Variants in PXDNL observed in about 807,000 individuals in gnomAD.
PXDNL encodes probable oxidoreductase PXDNL.
Under a neutral mutation model 150.8 loss-of-function variants are expected in PXDNL, and 145 were observed. The ratio of observed to expected loss-of-function variants is 0.96; its 90% CI spans 0.84 to 1.10. The LOEUF is 1.10. PXDNL is among the 50% of genes least tolerant of loss of function. The pLI, the probability that PXDNL is intolerant of heterozygous loss-of-function variation, is 0.00. For missense variants in PXDNL, 2,087 were observed against 1,873.9 expected (o/e 1.11, Z -2.10); for synonymous variants, 757 against 725.7 (o/e 1.04, Z -0.69).
intron 3 of PXDNL, among the ~76,000 whole-genome samples, chr8:51,586,805 G>A (rs910959088): frequency 6.6e-6 from 1 of 152,148 alleles, no homozygotes; most frequent in Non-Finnish European, 1.5e-5. Context: ...TTAGTAATAG[G>A]AGTTCAAAAG....
chr8:51,662,383 T>A (rs1815293204), intron 1 of PXDNL, among the ~76,000 whole-genome samples: 1 of 152,140 alleles, frequency 6.6e-6, no homozygotes, highest in Admixed American at 6.5e-5. Context: ...CCGGGCATGG[T>A]GGCAGGCCCC....
intron 8 of PXDNL, among the ~76,000 whole-genome samples, chr8:51,464,448 T>C (rs1306182506): frequency 1.1e-5 from 1 of 94,998 alleles, no homozygotes; most frequent in Non-Finnish European, 2.3e-5. Flanking sequence ...TTGGAAAGGA[T>C]AAAGAGGATT....
At chr8:51,517,478 C>A (rs1356240461) in intron 4 of PXDNL, among the ~76,000 whole-genome samples, 1 of 152,004 alleles carries the variant, frequency 6.6e-6, no homozygotes, top group Non-Finnish European at 1.5e-5. Flanking sequence ...AGAACCTTTT[C>A]CTATCCATTG....
rs1563471145 is a variant in PXDNL, at chr8:51,577,991, GAAAGAAAGAGGAAGGAAGGAAGGA to G, written c.308+14612_308+14635del. ...AGAAAGAAAGAAAGAAAGAAAGAAA[GAAAGAAAGAGGAAGGAAGGAAGGA>G]AGGAAGGAAGGAAGGAAGGAAGGAA... On this transcript the variant is annotated intron_variant, in intron 3 of 22. Coordinates refer to ENST00000356297, the MANE Select transcript of PXDNL (RefSeq NM_144651.5). Among the ~76,000 whole-genome samples, 123 of 55,776 alleles carry G rather than the reference GAAAGAAAGAGGAAGGAAGGAAGGA, an allele frequency of 2.2e-3. 1 individual carries two copies. The Middle Eastern group carries it at 0.038, about 17-fold the overall frequency. The allele number at this position is 55,776 out of a possible 152,430, so 36.6% of individuals were successfully genotyped here.
At chr8:51,354,726 A>G (rs1166938874) in intron 19 of PXDNL, among the ~76,000 whole-genome samples, 1 of 152,110 alleles carries the variant, frequency 6.6e-6, no homozygotes, top group East Asian at 1.9e-4. Context: ...CTAATGAATT[A>G]CCTAATCCTG....
intron 14 of PXDNL, among the ~76,000 whole-genome samples, chr8:51,418,726 G>C (rs550354621): frequency 6.6e-6 from 1 of 152,232 alleles, no homozygotes; most frequent in South Asian, 2.1e-4. Flanking sequence ...CAAAGAAAAG[G>C]TCCCACTAAC....
At chr8:51,497,258 T>A (rs1448922959) in intron 5 of PXDNL, among the ~76,000 whole-genome samples, 1 of 152,148 alleles carries the variant, frequency 6.6e-6, no homozygotes, top group African/African-American at 2.4e-5. Context: ...CTGGATCCCT[T>A]CCTGACACCT....
chr8:51,325,657 G>A (rs1322612409), intron 21 of PXDNL, among the ~76,000 whole-genome samples: 1 of 152,202 alleles, frequency 6.6e-6, no homozygotes, highest in Non-Finnish European at 1.5e-5. Flanking sequence ...CCAGTGAAGA[G>A]GGAGGGGAGC....
intron 1 of PXDNL, among the ~76,000 whole-genome samples, chr8:51,680,245 T>TGTGG (rs1287465351): frequency 1.3e-5 from 2 of 152,144 alleles, no homozygotes; most frequent in Non-Finnish European, 2.9e-5. Context: ...GGTGCCTGGA[T>TGTGG]GTGGGGTGCA....
chr8:51,600,788 T>C (rs1813699559), intron 2 of PXDNL, among the ~76,000 whole-genome samples: 2 of 136,348 alleles, frequency 1.5e-5, no homozygotes, highest in Admixed American at 1.5e-4. Context: ...AATTATATAG[T>C]TTTGATAATA....
rs79695418 is a variant in PXDNL, at chr8:51,528,570, G to A, written c.380+28270C>T. On this transcript the variant is annotated intron_variant, in intron 4 of 22. Transcript: ENST00000356297. ...CCATGACAAAAGGGACTTTGCAGAC[G>A]TGATTAAGATTAAGAGCTTTGAAAT... 2.3e-3 allele frequency among the ~76,000 whole-genome samples: 343 copies of A among 152,244 alleles called. 2 individuals are homozygous for A. Among genetic ancestry groups the A allele is most frequent in the African/African-American group, 7.8e-3 (325 of 41,530 alleles).
At chr8:51,719,005 G>A (rs1161153466) in intron 1 of PXDNL, among the ~76,000 whole-genome samples, 9 of 151,312 alleles carry the variant, frequency 5.9e-5, no homozygotes, top group East Asian at 2.0e-4. Context: ...GGCAGCCCCC[G>A]ATCGGCCAGC....
chr8:51,373,968 C>CTGG (rs2130788506), intron 18 of PXDNL, among the ~76,000 whole-genome samples: 1 of 152,352 alleles, frequency 6.6e-6, no homozygotes, highest in Admixed American at 6.5e-5. Context: ...AACTTACATT[C>CTGG]TCCAGCCTGC....
chr8:51,770,347 G>T (rs1158184390), intron 1 of PXDNL, among the ~76,000 whole-genome samples: 2 of 152,224 alleles, frequency 1.3e-5, no homozygotes, highest in Non-Finnish European at 2.9e-5. Flanking sequence ...TGATCAAAGT[G>T]AAAAAGACAG....
intron 2 of PXDNL, among the ~76,000 whole-genome samples, chr8:51,640,119 T>C (rs1033282818): frequency 2.0e-5 from 3 of 152,174 alleles, no homozygotes; most frequent in African/African-American, 4.8e-5. Context: ...ATTATCTCAA[T>C]AGATGCAGAT....
intron 17 of PXDNL, among the ~76,000 whole-genome samples, chr8:51,394,382 G>T (rs1045039202): frequency 6.6e-6 from 1 of 152,098 alleles, no homozygotes; most frequent in Non-Finnish European, 1.5e-5. Context: ...GGACTTTTTT[G>T]ATTTGACTGT....
rs183588963 is a variant in PXDNL, at chr8:51,391,144, T to C, written c.3558-16413A>G. ...CCACATTTTCTTAATCCAGTCTATG[T>C]TGGACATTTGGGTTGGTTCCAAGTC... On this transcript the variant is annotated intron_variant, in intron 17 of 22. Transcript: ENST00000356297. 3.1e-3 allele frequency among the ~76,000 whole-genome samples: 470 copies of C among 151,638 alleles called. 4 individuals carry two copies. The highest frequency in any genetic ancestry group is 0.011 in the African/African-American group (449 of 41,490).
intron 1 of PXDNL, among the ~76,000 whole-genome samples, chr8:51,801,395 T>A (rs2037619040): frequency 6.6e-6 from 1 of 152,150 alleles, no homozygotes; most frequent in African/African-American, 2.4e-5. Context: ...AATTTTGCCC[T>A]TTGCCTTGTG....
chr8:51,367,641 T>C (rs1455161389), intron 19 of PXDNL, among the ~76,000 whole-genome samples: 1 of 152,174 alleles, frequency 6.6e-6, no homozygotes, highest in Non-Finnish European at 1.5e-5. Context: ...TTTTGGTATA[T>C]ACAATCCTAT....
Sources: gnomAD v4.1 joint callset for allele counts (sites outside exome capture counted in the v4.1 genomes callset) on GRCh38, gnomAD v4.1.1 for gene constraint, MANE v1.5 for transcripts, NCBI Gene and HGNC (gene_info 2026-07-23, HGNC 2026-07-21) for gene names.